Variants in VAMP7 observed in about 807,000 individuals in gnomAD.
VAMP7 encodes the protein vesicle-associated membrane protein 7.
VAMP7 carries 14 observed loss-of-function variants against 29.6 expected under a neutral mutation model. The observed-to-expected ratio is 0.47, with a 90% CI of 0.31 to 0.74. The LOEUF (loss-of-function observed/expected upper bound fraction) is 0.74, where lower values mean the gene tolerates loss of function less well. VAMP7 is among the 30% of genes least tolerant of loss of function. The pLI, the probability that VAMP7 is intolerant of heterozygous loss-of-function variation, is 0.05. For missense variants in VAMP7, 223 were observed against 262.4 expected, an observed-to-expected ratio of 0.85 and a Z score of 1.04; for synonymous variants, 95 against 88.1, an observed-to-expected ratio of 1.08 and a Z score of -0.44.
intron 6 of VAMP7, among the ~76,000 whole-genome samples, chrX:155,927,408 G>GA (rs35677127): frequency 0.62 from 78,473 of 126,808 alleles, 23,094 homozygotes; most frequent in Middle Eastern, 0.65. Flanking sequence ...GGCCAAGCAG[G>GA]AAAAAAAAAA....
At chrX:155,918,896 G>A (rs1350553059) in intron 5 of VAMP7, among the ~76,000 whole-genome samples, 1 of 152,114 alleles carries the variant, frequency 6.6e-6, no homozygotes, top group Non-Finnish European at 1.5e-5. Context: ...TGATTTGCAT[G>A]CATTGAATCA....
intron 7 of VAMP7, 86 bp from the exon 8 acceptor site, chrX:155,941,797 T>C: frequency 7.1e-7 from 1 of 1,409,082 alleles, no homozygotes; most frequent in Non-Finnish European, 9.5e-7. Flanking sequence ...GAAGTATTTC[T>C]TAATAAGGCT....
At position 155,941,912 on chromosome X, in the gene VAMP7, C is replaced by G; in HGVS notation, c.624C>G (p.Leu208=). 1 of 1,613,732 alleles carries G rather than the reference C, an allele frequency of 6.2e-7. No individual in the cohort carries two copies. Among genetic ancestry groups the G allele is most frequent in the Non-Finnish European group, 8.5e-7 (1 of 1,179,788 alleles). ...TCATCTATATCATTGTTTCACCTCT[C>G]TGTGGTGGATTTACATGGCCAAGCT... is the stretch of plus-strand genomic sequence containing the variant. ...IVFIYIIVSP[L]CGGFTWPSCV... is the part of the protein sequence containing the mutation. Residue 208 remains leucine, a synonymous_variant, in exon 8 of 8, where the codon CTC becomes CTG. Transcript: ENST00000286448.
intron 1 of VAMP7, 84 bp from the exon 2 acceptor site, chrX:155,889,374 G>A (rs568858590): frequency 6.6e-7 from 1 of 1,519,314 alleles, no homozygotes; most frequent in African/African-American, 1.4e-5. Flanking sequence ...TCTCCAGGTA[G>A]TATGTTGATA....
chrX:155,923,662 A>G (rs1298592386), intron 6 of VAMP7, among the ~76,000 whole-genome samples: 6 of 151,642 alleles, frequency 4.0e-5, no homozygotes, highest in Non-Finnish European at 7.4e-5. Context: ...GCCTTGGTAT[A>G]TATTTCTTTA....
chrX:155,936,660 G>T (rs1383344982), intron 6 of VAMP7, among the ~76,000 whole-genome samples: 1 of 152,196 alleles, frequency 6.6e-6, no homozygotes, highest in African/African-American at 2.4e-5. Flanking sequence ...GTGAGGCGAT[G>T]TCTCGCCCTG....
chrX:155,917,027 C>G (rs1183447731), intron 5 of VAMP7, among the ~76,000 whole-genome samples: 1 of 152,042 alleles, frequency 6.6e-6, no homozygotes, highest in Non-Finnish European at 1.5e-5. Flanking sequence ...TCATATAGTC[C>G]CATATGTCTT....
At chrX:155,919,913 T>C in intron 6 of VAMP7, 33 bp downstream of exon 6, 2 of 1,530,014 alleles carry the variant, frequency 1.3e-6, no homozygotes, top group Non-Finnish European at 1.8e-6. Flanking sequence ...TGGAGTCTGA[T>C]GTAAAGTGGA....
chrX:155,892,607 G>A (rs1046066381), intron 2 of VAMP7, among the ~76,000 whole-genome samples: 1 of 151,804 alleles, frequency 6.6e-6, no homozygotes, highest in African/African-American at 2.4e-5. Context: ...ATCTCACTTT[G>A]TGTGCCTGAG....
intron 2 of VAMP7, among the ~76,000 whole-genome samples, chrX:155,893,302 G>A (rs1213471982): frequency 2.0e-5 from 3 of 152,142 alleles, no homozygotes; most frequent in African/African-American, 7.2e-5. Flanking sequence ...CTGGAGCTCA[G>A]GAGATAGGTC....
intron 2 of VAMP7, 58 bp from the exon 3 acceptor site, chrX:155,895,565 A>T (rs1308704539): frequency 7.7e-7 from 1 of 1,294,196 alleles, no homozygotes; most frequent in Non-Finnish European, 1.1e-6. Flanking sequence ...GATAGAAGAT[A>T]GAAGTAAAAG....
rs193116585 is a variant in VAMP7 at position 155,912,288 on chromosome X, A to C, written c.434-7525A>C. ...TATTTTCCTTTTGAGCTATGTCATC[A>C]TACTGCTAAAATTATGGATGAAAAT... On this transcript the variant is annotated intron_variant, in intron 5 of 7. Coordinates refer to ENST00000286448, the MANE Select transcript of VAMP7 (RefSeq NM_005638.6). Among the ~76,000 whole-genome samples the C allele has an allele frequency of 1.1e-3, 171 of 152,296 alleles. 2 individuals are homozygous for C. The highest frequency in any genetic ancestry group is 4.0e-3 in the African/African-American group (168 of 41,582).
At position 155,900,678 on chromosome X, in the gene VAMP7, C is replaced by A. The variant is rs891927157; in HGVS notation, c.433+91C>A. The stretch of plus-strand genomic sequence containing the variant: ...AATTATTCTAGAGAAGCCAAAATAG[C>A]ACTTCCTTATTCTTACCATTGGAAG... On this transcript the variant is annotated intron_variant, in intron 5 of 7. Transcript: ENST00000286448. 6 of 1,086,236 alleles carry A rather than the reference C, an allele frequency of 5.5e-6. No individual in the cohort carries two copies. The South Asian group carries it at 7.1e-5, about 13-fold the overall frequency. The allele number at this position is 1,086,236 out of a possible 1,614,324, so 67.3% of individuals were successfully genotyped here. A position where few individuals can be genotyped will look rare whatever the true frequency, so the allele number is the denominator to read the frequency against.
At chrX:155,896,591 C>T (rs945404599) in intron 3 of VAMP7, among the ~76,000 whole-genome samples, 14 of 152,100 alleles carry the variant, frequency 9.2e-5, no homozygotes, top group African/African-American at 3.4e-4. Flanking sequence ...ATTATGGTTT[C>T]GTAGAGCTAC....
At chrX:155,933,852 C>A (rs2066604661) in intron 6 of VAMP7, among the ~76,000 whole-genome samples, 1 of 152,110 alleles carries the variant, frequency 6.6e-6, no homozygotes, top group Admixed American at 6.5e-5. Context: ...TATAAATTTC[C>A]CTCTACACAC....
chrX:155,901,771 A>G (rs1041427379), intron 5 of VAMP7, among the ~76,000 whole-genome samples: 29 of 152,096 alleles, frequency 1.9e-4, no homozygotes, highest in African/African-American at 4.1e-4. Flanking sequence ...TTTGGTTACT[A>G]TAGCCTTGTA....
chrX:155,926,641 A>T (rs1037049046), intron 6 of VAMP7, among the ~76,000 whole-genome samples: 1 of 152,204 alleles, frequency 6.6e-6, no homozygotes, highest in African/African-American at 2.4e-5. Context: ...TGTTCACTGG[A>T]GTAGCACTCC....
rs181490206 is a variant in VAMP7 at position 155,882,466 on chromosome X, A to G, written c.-10+1018A>G. Among the ~76,000 whole-genome samples, 527 of 152,344 alleles carry G rather than the reference A, an allele frequency of 3.5e-3. 3 individuals are homozygous for G. The highest frequency in any genetic ancestry group is 0.012 in the African/African-American group (503 of 41,580). ...GTCCAGAAAGAATAGTTGTAATACC[A>G]ACAGGAATAATCTTGATCTGTAACA... is the stretch of plus-strand genomic sequence containing the variant. On this transcript the variant is annotated intron_variant, in intron 1 of 7. Coordinates refer to ENST00000286448, the MANE Select transcript of VAMP7 (RefSeq NM_005638.6).
At chrX:155,913,302 T>A (rs1438905963) in intron 5 of VAMP7, among the ~76,000 whole-genome samples, 1 of 152,100 alleles carries the variant, frequency 6.6e-6, no homozygotes, top group African/African-American at 2.4e-5. Flanking sequence ...ATTGCAAAAA[T>A]TTTTTCCCAT....
Sources: allele counts gnomAD v4.1 joint callset (sites outside exome capture counted in the v4.1 genomes callset), GRCh38; gene constraint gnomAD v4.1.1; transcripts MANE v1.5; gene names NCBI Gene and HGNC (gene_info 2026-07-23, HGNC 2026-07-21).